Variants in SCOC observed in about 807,000 individuals in gnomAD.
SCOC encodes short coiled coil protein.
SCOC carries 7 observed loss-of-function variants against 9.9 expected under a neutral mutation model. That is an observed-to-expected ratio of 0.71 (90% confidence interval 0.40 to 1.33). The LOEUF is 1.33. Among genes scored for constraint, SCOC ranks in the 40% most tolerant of loss-of-function variants. The pLI, the probability that SCOC is intolerant of heterozygous loss-of-function variation, is 0.01. For missense variants in SCOC, 66 were observed against 89.7 expected, an observed-to-expected ratio of 0.74 and a Z score of 1.07; for synonymous variants, 19 against 28.2, an observed-to-expected ratio of 0.67 and a Z score of 1.03.
rs1560716602 is a variant in SCOC, at chr4:140,355,230, T to TG, written c.70+11522_70+11523insG. Among the ~76,000 whole-genome samples, 16 of 143,160 alleles carry TG rather than the reference T, an allele frequency of 1.1e-4. 2 individuals carry two copies. The South Asian group carries it at 2.1e-3, about 19-fold the overall frequency. 93.9% of individuals were successfully genotyped at this position (143,160 alleles called of 152,430 possible). On this transcript the variant is annotated intron_variant, in intron 2 of 4. Transcript: ENST00000338517. Reference sequence around the variant, plus strand: ...ATATTTTTATATATATATATATATATATATATATATATATATATAATGTAT... The same window carrying TG: ...ATATTTTTATATATATATATATATATGATATATATATATATATATAATGTAT...
At chr4:140,287,644 G>A (rs1444424495) in intron 1 of SCOC, among the ~76,000 whole-genome samples, 1 of 151,900 alleles carries the variant, frequency 6.6e-6, no homozygotes, top group African/African-American at 2.4e-5. Context: ...GCCACACAGA[G>A]TATGCAGGTA....
At chr4:140,277,270 C>T (rs1731004910) in intron 1 of SCOC, among the ~76,000 whole-genome samples, 1 of 152,048 alleles carries the variant, frequency 6.6e-6, no homozygotes. Context: ...CAGGTAGAGG[C>T]CACCCACAAC....
At chr4:140,295,762 T>A (rs2126442652) in intron 1 of SCOC, among the ~76,000 whole-genome samples, 1 of 151,584 alleles carries the variant, frequency 6.6e-6, no homozygotes, top group African/African-American at 2.4e-5. Context: ...ACCCCGTCTC[T>A]ACTAAAAATA....
intron 1 of SCOC, among the ~76,000 whole-genome samples, chr4:140,302,341 A>G (rs887343201): frequency 3.9e-5 from 6 of 152,162 alleles, no homozygotes; most frequent in African/African-American, 1.4e-4. Context: ...TTGAAGACCT[A>G]CTACAGACCC....
In SCOC at chr4:140,381,334, A is replaced by G. The variant is rs1437433114; in HGVS notation, c.*230A>G. 3.0e-6 allele frequency: 1 copy of G among 331,836 alleles called. No individual in the cohort carries two copies. Among genetic ancestry groups the G allele is most frequent in the Non-Finnish European group, 5.5e-6 (1 of 180,984 alleles). The allele number at this position is 331,836 out of a possible 1,614,324, so 20.6% of individuals were successfully genotyped here. A position where few individuals can be genotyped will look rare whatever the true frequency, so the allele number is the denominator to read the frequency against. On this transcript the variant is annotated 3_prime_UTR_variant, in exon 4 of 4. Transcript: ENST00000608372. ...GTAGAGACTTTATGATTAGAATTGCATATATTTATGAAACTTAAAGATGAA... is the reference window on the plus strand; with the variant it reads ...GTAGAGACTTTATGATTAGAATTGCGTATATTTATGAAACTTAAAGATGAA...
intron 1 of SCOC, among the ~76,000 whole-genome samples, chr4:140,275,820 G>GTTTTT (rs1175950527): frequency 7.1e-4 from 64 of 90,590 alleles, no homozygotes; most frequent in Non-Finnish European, 9.1e-4. Context: ...GCTCAGGTTT[G>GTTTTT]TTTTTTTTTT....
At chr4:140,279,336 A>AT (rs1475522649) in intron 1 of SCOC, among the ~76,000 whole-genome samples, 2 of 152,076 alleles carry the variant, frequency 1.3e-5, no homozygotes, top group African/African-American at 2.4e-5. Context: ...TAGTATACTC[A>AT]TTTTTTGTGA....
intron 2 of SCOC, among the ~76,000 whole-genome samples, chr4:140,363,679 C>T (rs1160314002): frequency 1.3e-5 from 2 of 152,152 alleles, no homozygotes; most frequent in African/African-American, 2.4e-5. Flanking sequence ...AATTTCACAG[C>T]CACTTCCTGC....
chr4:140,354,050 T>C (rs1481102106), intron 2 of SCOC, among the ~76,000 whole-genome samples: 1 of 152,260 alleles, frequency 6.6e-6, no homozygotes, highest in Non-Finnish European at 1.5e-5. Context: ...AACACATTCT[T>C]CTTTTCTTAT....
chr4:140,278,251 T>G (rs1278001935), intron 1 of SCOC, among the ~76,000 whole-genome samples: 1 of 151,986 alleles, frequency 6.6e-6, no homozygotes, highest in Admixed American at 6.5e-5. Flanking sequence ...GATGCCTTCT[T>G]GCTGTGTCCT....
In SCOC at chr4:140,258,336, A is replaced by G. The variant is rs192786031; in HGVS notation, c.-19+926A>G. ...TTCCAGAAGTACAACCTCATCTACC[A>G]TTTTCTGCAGTGTTCCTTGGTTCTC... On this transcript the variant is annotated intron_variant, in intron 1 of 4. Transcript: ENST00000394205. Among the ~76,000 whole-genome samples the G allele has an allele frequency of 5.9e-5, 9 of 152,288 alleles. No homozygotes were observed. In the East Asian group the frequency reaches 1.4e-3, roughly 23 times the overall value.
At chr4:140,290,936 G>A (rs1346170867) in intron 1 of SCOC, among the ~76,000 whole-genome samples, 1 of 152,206 alleles carries the variant, frequency 6.6e-6, no homozygotes, top group African/African-American at 2.4e-5. Flanking sequence ...AGAAACATGT[G>A]GGGGCTTTCT....
chr4:140,280,421 G>T (rs184330030), intron 1 of SCOC, among the ~76,000 whole-genome samples: 1 of 152,206 alleles, frequency 6.6e-6, no homozygotes, highest in Admixed American at 6.5e-5. Context: ...GAGCCACTGC[G>T]CCTGGCCATG....
Position 140,381,058 on chromosome 4 carries a change from C to A in SCOC, c.203C>A (p.Ala68Asp). The change falls in exon 4 of 4, where the codon GCT becomes GAT. Residue 68 changes from alanine to aspartate, a missense_variant. Coordinates refer to ENST00000608372, the MANE Select transcript of SCOC (RefSeq NM_001153484.2). Reference protein sequence around the residue: ...LGQYIENLMSASSVFQTTDTK... With the variant: ...LGQYIENLMSDSSVFQTTDTK... ...CAATATATAGAAAATCTCATGTCAG[C>A]TTCTAGTGTTTTTCAAACAACTGAC... 6.2e-7 allele frequency: 1 copy of A among 1,601,482 alleles called. No individual in the cohort carries two copies. Among genetic ancestry groups the A allele is most frequent in the South Asian group, 1.1e-5 (1 of 88,198 alleles).
chr4:140,309,232 C>G (rs1732080510), intron 1 of SCOC, among the ~76,000 whole-genome samples: 1 of 152,236 alleles, frequency 6.6e-6, no homozygotes, highest in African/African-American at 2.4e-5. Context: ...AAGTGATGCA[C>G]TTTTAATTCT....
intron 1 of SCOC, among the ~76,000 whole-genome samples, chr4:140,258,981 G>T (rs1281196172): frequency 2.0e-5 from 3 of 152,200 alleles, no homozygotes; most frequent in Admixed American, 2.0e-4. Context: ...CTGAACAATG[G>T]CCTGGTTTTC....
At chr4:140,345,094 C>A (rs1311373890) in intron 2 of SCOC, among the ~76,000 whole-genome samples, 1 of 152,168 alleles carries the variant, frequency 6.6e-6, no homozygotes, top group African/African-American at 2.4e-5. Flanking sequence ...GGTGTCCAGT[C>A]CACTGTTGGC....
rs1007551581 is a variant in SCOC at position 140,384,995 on chromosome 4, C to A, written c.*3891C>A. 6.6e-5 allele frequency: 10 copies of A among 152,170 alleles called. No individual in the cohort carries two copies. Among genetic ancestry groups the A allele is most frequent in the African/African-American group, 2.4e-4 (10 of 41,446 alleles). The allele number at this position is 152,170 out of a possible 1,614,324, so 9.4% of individuals were successfully genotyped here. ...TTGGAAGAGGGCCCTCAACACTGATCTCTCAGACTTCCAGCTTCCAAAACT... is the reference window on the plus strand; with the variant it reads ...TTGGAAGAGGGCCCTCAACACTGATATCTCAGACTTCCAGCTTCCAAAACT... On this transcript the variant is annotated 3_prime_UTR_variant, in exon 4 of 4. Transcript: ENST00000608372.
intron 1 of SCOC, among the ~76,000 whole-genome samples, chr4:140,259,862 A>G (rs1730591462): frequency 6.6e-6 from 1 of 152,170 alleles, no homozygotes; most frequent in Non-Finnish European, 1.5e-5. Flanking sequence ...ATTTCCCGCC[A>G]TTCTTGATTA....
Sources: allele counts gnomAD v4.1 joint callset (sites outside exome capture counted in the v4.1 genomes callset), GRCh38; gene constraint gnomAD v4.1.1; transcripts MANE v1.5; gene names NCBI Gene and HGNC (gene_info 2026-07-23, HGNC 2026-07-21).